LHX8: variants seen among roughly 807,000 people sequenced by gnomAD.
LHX8 encodes LIM/homeobox protein Lhx8.
Under a neutral mutation model 40.3 loss-of-function variants are expected in LHX8, and 12 were observed. The ratio of observed to expected loss-of-function variants is 0.30; its 90% confidence interval spans 0.19 to 0.48. LHX8 has a LOEUF of 0.48. Ranked by LOEUF, LHX8 falls within the 20% of genes least tolerant of loss-of-function variation. LHX8 has a pLI of 0.99. For synonymous variants in LHX8, 179 were observed against 162.0 expected (o/e 1.10, Z -0.80); for missense variants, 344 against 433.7 (o/e 0.79, Z 1.84).
intron 5 of LHX8, 122 bp from the exon 6 acceptor site, chr1:75,143,722 GT>G (rs1648382796): frequency 2.7e-6 from 2 of 750,246 alleles, no homozygotes; most frequent in East Asian, 2.6e-5. Context: ...AACTTAAGGG[GT>G]TTTGCCGTCT....
At chr1:75,149,728 G>A (rs1453046931) in intron 7 of LHX8, among the ~76,000 whole-genome samples, 2 of 152,018 alleles carry the variant, frequency 1.3e-5, no homozygotes, top group Admixed American at 6.6e-5. Flanking sequence ...TTAAATTTTT[G>A]TAGAAACAGA....
chr1:75,132,580 A>C (rs893565674), upstream of LHX8: 3 of 152,124 alleles, frequency 2.0e-5, no homozygotes, highest in African/African-American at 4.8e-5. Context: ...GTATTTTGAA[A>C]ACCTGACTGA....
At chr1:75,159,845 C>G (rs1648870627) in intron 8 of LHX8, 1 of 152,132 alleles carries the variant, frequency 6.6e-6, no homozygotes, top group African/African-American at 2.4e-5. Context: ...AGGGTGAAAT[C>G]AACTTAATCC....
intron 1 of LHX8, among the ~76,000 whole-genome samples, chr1:75,135,559 AG>A (rs1648098017): frequency 6.6e-6 from 1 of 152,202 alleles, no homozygotes; most frequent in Non-Finnish European, 1.5e-5. Context: ...GGGAGGGAGA[AG>A]GGGAGGCGAA....
At chr1:75,155,526 G>A (rs147201945) in intron 7 of LHX8, among the ~76,000 whole-genome samples, 3,529 of 152,130 alleles carry the variant, frequency 0.023, 61 homozygotes, top group Non-Finnish European at 0.034. Context: ...GAGCCACTGC[G>A]CCCGGCCCAT....
At chr1:75,174,858 G>A in the LHX8 span, among the ~76,000 whole-genome samples, 1 of 151,504 alleles carries the variant, frequency 6.6e-6, no homozygotes, top group Non-Finnish European at 1.5e-5. Context: ...GGGGAAACAG[G>A]TGATGTTTGG....
At chr1:75,183,112 G>T in the LHX8 span, 1 of 152,104 alleles carries the variant, frequency 6.6e-6, no homozygotes. Context: ...CCCTACACAA[G>T]GATGATATGC....
chr1:75,150,149 G>T (rs568393364), intron 7 of LHX8, among the ~76,000 whole-genome samples: 1 of 152,120 alleles, frequency 6.6e-6, no homozygotes, highest in East Asian at 1.9e-4. Context: ...GAGGTGGGAG[G>T]GTCACCTAAG....
Position 75,148,578 on chromosome 1 carries a change from A to G in LHX8, c.685-9A>G, listed in dbSNP as rs867636261. Reference sequence around the variant, plus strand: ...TAGCTATTTACTACATACATGTTTTAAACAACAGGTTATGCAAGCACAATT... The same window carrying G: ...TAGCTATTTACTACATACATGTTTTGAACAACAGGTTATGCAAGCACAATT... On this transcript the variant is annotated splice_polypyrimidine_tract_variant and intron_variant, in intron 6 of 8. Transcript: ENST00000356261. The G allele has an allele frequency of 6.2e-7, 1 of 1,605,224 alleles. No homozygotes were observed.
In LHX8 at chr1:75,143,232, A is replaced by C. The variant is rs1648365204; in HGVS notation, c.474A>C (p.Lys158Asn). ...CATGCTTTGCCTGCTTTTCCTGCAA[A>C]AGGCAACTTTCCACAGGAGAGGAGT... is the stretch of plus-strand genomic sequence containing the variant. Reference protein sequence around the residue: ...HLACFACFSCKRQLSTGEEFA... With the variant: ...HLACFACFSCNRQLSTGEEFA... The change falls in exon 5 of 9, where the codon AAA becomes AAC. Residue 158 changes from lysine (K) to asparagine (N), a missense_variant. Around this residue, in one of 3 missense-constraint regions of LHX8, gnomAD observed 147 missense variants for 250.8 expected, o/e 0.59. Transcript: ENST00000356261. The C allele has an allele frequency of 6.2e-7, 1 of 1,613,744 alleles. No individual in the cohort carries two copies. Among genetic ancestry groups the C allele is most frequent in the Non-Finnish European group, 8.5e-7 (1 of 1,179,810 alleles).
chr1:75,186,212 C>T, the LHX8 span, among the ~76,000 whole-genome samples: 1 of 152,076 alleles, frequency 6.6e-6, no homozygotes, highest in Non-Finnish European at 1.5e-5. Flanking sequence ...CATATGGAAC[C>T]CAGAAAGAAC....
the LHX8 span, among the ~76,000 whole-genome samples, chr1:75,176,623 T>G: frequency 1.3e-5 from 2 of 152,214 alleles, no homozygotes; most frequent in African/African-American, 4.8e-5. Flanking sequence ...TTCTGTAGGT[T>G]GCCTGTTCAC....
the LHX8 span, among the ~76,000 whole-genome samples, chr1:75,176,444 G>A: frequency 6.6e-6 from 1 of 152,126 alleles, no homozygotes; most frequent in African/African-American, 2.4e-5. Context: ...ATTTTTTCAT[G>A]TGTCTGTTGG....
intron 1 of LHX8, among the ~76,000 whole-genome samples, chr1:75,135,603 G>A (rs945708058): frequency 1.3e-5 from 2 of 152,228 alleles, no homozygotes; most frequent in Non-Finnish European, 2.9e-5. Flanking sequence ...AGCCGCTCGA[G>A]TTCGGGGTAC....
the LHX8 span, among the ~76,000 whole-genome samples, chr1:75,187,511 T>C: frequency 5.7e-3 from 862 of 152,108 alleles, 11 homozygotes; most frequent in African/African-American, 0.02. Context: ...GTGAGGAAAG[T>C]ATTGGGGGGG....
At chr1:75,131,350 C>G (rs963595540), upstream of LHX8, 4 of 158,524 alleles carry the variant, frequency 2.5e-5, no homozygotes, top group African/African-American at 4.8e-5. Flanking sequence ...GCAAAGGGTT[C>G]AATAGTCAAG....
rs752685735 is a variant in LHX8 at position 75,143,808 on chromosome 1, G to T, written c.581-37G>T. The T allele has an allele frequency of 4.0e-6, 6 of 1,482,686 alleles. No homozygotes were observed. In the South Asian group the frequency reaches 6.8e-5, roughly 17 times the overall value. 91.8% of individuals were successfully genotyped at this position (1,482,686 alleles called of 1,614,324 possible). Reference sequence around the variant, plus strand: ...TATTGTAAGATGGGTGTACCCATTTGAATTACCAACATATATAGTGTGTTT... The same window carrying T: ...TATTGTAAGATGGGTGTACCCATTTTAATTACCAACATATATAGTGTGTTT... On this transcript the variant is annotated intron_variant, in intron 5 of 8. Transcript: ENST00000356261.
chr1:75,187,426 A>G, the LHX8 span, among the ~76,000 whole-genome samples: 1 of 152,184 alleles, frequency 6.6e-6, no homozygotes, highest in African/African-American at 2.4e-5. Context: ...ATCTTGGCTG[A>G]GAAATTATTA....
At chr1:75,196,497 C>G in the LHX8 span, among the ~76,000 whole-genome samples, 1 of 152,090 alleles carries the variant, frequency 6.6e-6, no homozygotes. Flanking sequence ...AGATAGCTTG[C>G]CCTGCCATAG....
Sources: allele counts gnomAD v4.1 joint callset (sites outside exome capture counted in the v4.1 genomes callset), GRCh38; gene constraint gnomAD v4.1.1; regional missense constraint gnomAD v4.1.1; transcripts MANE v1.5; gene names NCBI Gene and HGNC (gene_info 2026-07-23, HGNC 2026-07-21).